TM9SF3: variants seen among roughly 807,000 people sequenced by gnomAD.
TM9SF3 encodes SM-11044-binding protein.
TM9SF3 carries 14 observed loss-of-function variants against 78.6 expected under a neutral mutation model. The ratio of observed to expected loss-of-function variants is 0.18; its 90% CI spans 0.12 to 0.28. The LOEUF is 0.28. Among genes scored for constraint, TM9SF3 ranks in the 10% least tolerant of loss-of-function variants. TM9SF3 has a pLI of 1.00. For missense variants in TM9SF3, 496 were observed against 721.9 expected (o/e 0.69, Z 3.59); for synonymous variants, 231 against 241.7 (o/e 0.96, Z 0.41).
intron 8 of TM9SF3, 89 bp downstream of exon 8, chr10:96,547,802 GGAGT>G (rs780649721): frequency 2.8e-4 from 291 of 1,034,092 alleles, no homozygotes; most frequent in Non-Finnish European, 4.0e-4. Context: ...CCTGGGTGAT[GGAGT>G]GAGACTCTCT....
At chr10:96,580,462 T>G (rs1848553548) in intron 1 of TM9SF3, among the ~76,000 whole-genome samples, 1 of 152,112 alleles carries the variant, frequency 6.6e-6, no homozygotes, top group Admixed American at 6.5e-5. Flanking sequence ...GAGACGGGGT[T>G]TCACCATGTT....
chr10:96,559,608 T>C, intron 5 of TM9SF3, 51 bp downstream of exon 5: 1 of 1,304,490 alleles, frequency 7.7e-7, no homozygotes, highest in African/African-American at 1.5e-5. Flanking sequence ...CAATGTTTGT[T>C]GAACGAATTG....
chr10:96,580,357 C>G (rs1848550317), intron 1 of TM9SF3, among the ~76,000 whole-genome samples: 1 of 152,128 alleles, frequency 6.6e-6, no homozygotes, highest in Non-Finnish European at 1.5e-5. Flanking sequence ...GCTCCGCCTC[C>G]CAGGTTCACG....
rs1325590284 is a variant in TM9SF3, at chr10:96,520,129, T to C, written c.*2134A>G. 1 of 151,924 alleles carries C rather than the reference T, an allele frequency of 6.6e-6. No individual in the cohort carries two copies. The highest frequency in any genetic ancestry group is 2.4e-5 in the African/African-American group (1 of 41,430). 9.4% of individuals were successfully genotyped at this position (151,924 alleles called of 1,614,324 possible). A position where few individuals can be genotyped will look rare whatever the true frequency, so the allele number is the denominator to read the frequency against. ...TCAGACAGACTATGTATTGGTATGT[T>C]AAAAGTACTTTTGAATAAAAGTGGT... is the stretch of plus-strand genomic sequence containing the variant. On this transcript the variant is annotated 3_prime_UTR_variant, in exon 15 of 15. Coordinates refer to ENST00000371142, the MANE Select transcript of TM9SF3 (RefSeq NM_020123.4).
chr10:96,569,755 C>T (rs1201883536), intron 2 of TM9SF3, among the ~76,000 whole-genome samples: 6 of 152,064 alleles, frequency 3.9e-5, no homozygotes, highest in Non-Finnish European at 5.9e-5. Flanking sequence ...GGAGAAAGGC[C>T]GGGCGCAATG....
chr10:96,550,073 A>G (rs772050728), intron 7 of TM9SF3, among the ~76,000 whole-genome samples: 11 of 152,132 alleles, frequency 7.2e-5, no homozygotes, highest in Non-Finnish European at 1.2e-4. Flanking sequence ...AATATGAACT[A>G]CTCGCCAGAA....
intron 2 of TM9SF3, among the ~76,000 whole-genome samples, chr10:96,572,676 A>T (rs564323448): frequency 1.5e-4 from 22 of 151,682 alleles, no homozygotes; most frequent in African/African-American, 5.3e-4. Context: ...ACAAGCGCCC[A>T]CCACCGTGCC....
At chr10:96,585,945 A>G (rs924392987) in intron 1 of TM9SF3, among the ~76,000 whole-genome samples, 3 of 152,242 alleles carry the variant, frequency 2.0e-5, no homozygotes, top group Non-Finnish European at 4.4e-5. Flanking sequence ...AATACCAATT[A>G]AACAAACTGC....
intron 7 of TM9SF3, among the ~76,000 whole-genome samples, chr10:96,548,344 G>C (rs1385893185): frequency 6.6e-6 from 1 of 152,170 alleles, no homozygotes; most frequent in Non-Finnish European, 1.5e-5. Context: ...ATGTTCATCT[G>C]TTAAGAAAAA....
intron 1 of TM9SF3, chr10:96,577,429 T>C (rs375039988): frequency 1.3e-5 from 2 of 152,228 alleles, no homozygotes; most frequent in Non-Finnish European, 2.9e-5. Context: ...ACTATATGCA[T>C]ATTTCTTTGA....
intron 9 of TM9SF3, among the ~76,000 whole-genome samples, chr10:96,534,497 C>T (rs556368055): frequency 6.8e-6 from 1 of 146,384 alleles, no homozygotes; most frequent in African/African-American, 2.5e-5. Context: ...TTTGCTTTTA[C>T]TTTCTTAATA....
chr10:96,567,483 T>C (rs577961611), intron 2 of TM9SF3, among the ~76,000 whole-genome samples: 1 of 152,270 alleles, frequency 6.6e-6, no homozygotes, highest in South Asian at 2.1e-4. Flanking sequence ...CAAGCCAAAC[T>C]CAATTCCCAC....
At chr10:96,573,610 C>G (rs1330523311) in intron 2 of TM9SF3, among the ~76,000 whole-genome samples, 1 of 152,162 alleles carries the variant, frequency 6.6e-6, no homozygotes, top group Non-Finnish European at 1.5e-5. Context: ...ATAAATCCCA[C>G]TTCTTTACCC....
Position 96,551,272 on chromosome 10 carries a change from A to T in TM9SF3, c.932T>A (p.Val311Asp). 1 of 1,612,168 alleles carries T rather than the reference A, an allele frequency of 6.2e-7. No homozygotes were observed. Among genetic ancestry groups the T allele is most frequent in the Non-Finnish European group, 8.5e-7 (1 of 1,179,440 alleles). The change falls in exon 7 of 15, where the codon GTT (valine) becomes GAT (aspartate). Residue 311 changes from valine to aspartate, a missense_variant. Transcript: ENST00000371142. The stretch of plus-strand genomic sequence containing the variant: ...AGTATATAAATCTTCTATCATTGCA[A>T]CAATAATAACGATGAGAGACACAGC... ...IFAVSLIVIIVAMIEDLYTER... is the reference protein window; with the variant it reads ...IFAVSLIVIIDAMIEDLYTER...
At chr10:96,556,970 T>G (rs1848241167) in intron 5 of TM9SF3, among the ~76,000 whole-genome samples, 1 of 152,136 alleles carries the variant, frequency 6.6e-6, no homozygotes, top group African/African-American at 2.4e-5. Context: ...TCTCTTGGCA[T>G]TCAGAACACC....
At chr10:96,526,860 T>C (rs572844493) in intron 14 of TM9SF3, among the ~76,000 whole-genome samples, 1 of 152,172 alleles carries the variant, frequency 6.6e-6, no homozygotes, top group Non-Finnish European at 1.5e-5. Context: ...CTTTAAAAAA[T>C]GCCAATTCTC....
At chr10:96,530,470 G>A in intron 11 of TM9SF3, 70 bp downstream of exon 11, 3 of 1,269,536 alleles carry the variant, frequency 2.4e-6, no homozygotes, top group Admixed American at 2.1e-5. Flanking sequence ...AACTTTACAT[G>A]TTCCCTAACT....
chr10:96,554,895 C>T lies in TM9SF3; in HGVS notation c.661-1836G>A, dbSNP rs576959975. 4.7e-4 allele frequency among the ~76,000 whole-genome samples: 72 copies of T among 152,280 alleles called. 1 individual carries two copies. In the South Asian group the frequency reaches 0.01, roughly 22 times the overall value. ...AATTTTACAATTATCTCTGGCTCTTCCTTCTCCTTAATTCTTCATAGGTAA... is the reference window on the plus strand; with the variant it reads ...AATTTTACAATTATCTCTGGCTCTTTCTTCTCCTTAATTCTTCATAGGTAA... On this transcript the variant is annotated intron_variant, in intron 5 of 14. Transcript: ENST00000371142.
intron 1 of TM9SF3, among the ~76,000 whole-genome samples, chr10:96,585,113 A>G (rs1848614124): frequency 6.6e-6 from 1 of 152,204 alleles, no homozygotes; most frequent in Admixed American, 6.5e-5. Flanking sequence ...TTCCCTAATC[A>G]CAGCAGTGTA....
Sources: allele counts gnomAD v4.1 joint callset (sites outside exome capture counted in the v4.1 genomes callset), GRCh38; gene constraint gnomAD v4.1.1; transcripts MANE v1.5; gene names NCBI Gene and HGNC (gene_info 2026-07-23, HGNC 2026-07-21).